The following PRPSAP2 variants were observed in gnomAD, a reference collection of about 807,000 sequenced individuals.
PRPSAP2 encodes phosphoribosyl pyrophosphate synthase-associated protein 2.
Under a neutral mutation model 40.6 loss-of-function variants are expected in PRPSAP2, and 24 were observed. The ratio of observed to expected loss-of-function variants is 0.59; its 90% CI spans 0.43 to 0.83. The LOEUF (loss-of-function observed/expected upper bound fraction) is 0.83. Ranked by LOEUF, PRPSAP2 falls within the 40% of genes least tolerant of loss-of-function variation. The pLI is 0.00. For missense variants in PRPSAP2, 292 were observed against 465.6 expected, an observed-to-expected ratio of 0.63 and a Z score of 3.43; for synonymous variants, 149 against 164.7, an observed-to-expected ratio of 0.90 and a Z score of 0.73.
intron 6 of PRPSAP2, 123 bp downstream of exon 6, chr17:18,877,993 C>G: frequency 9.6e-7 from 1 of 1,039,268 alleles, no homozygotes; most frequent in African/African-American, 1.6e-5. Context: ...GTGATCATAG[C>G]TCACTGCAAC....
At chr17:18,920,432 T>A (rs1332029923) in intron 9 of PRPSAP2, among the ~76,000 whole-genome samples, 1 of 152,192 alleles carries the variant, frequency 6.6e-6, no homozygotes, top group Non-Finnish European at 1.5e-5. Flanking sequence ...AATTATAATG[T>A]TTCTATGTTT....
intron 8 of PRPSAP2, among the ~76,000 whole-genome samples, chr17:18,891,772 T>C (rs566961505): frequency 2.6e-5 from 4 of 152,206 alleles, no homozygotes; most frequent in Admixed American, 6.5e-5. Flanking sequence ...AGCCACACAG[T>C]ATGTGGCCCT....
At chr17:18,889,957 G>T in intron 8 of PRPSAP2, 80 bp downstream of exon 8, 1 of 1,263,814 alleles carries the variant, frequency 7.9e-7, no homozygotes, top group South Asian at 1.6e-5. Flanking sequence ...ATTCTAATTT[G>T]AACTTCAGTG....
At chr17:18,864,467 TATTTTTAGTAGAGACAG>T (rs1252388262) in intron 1 of PRPSAP2, among the ~76,000 whole-genome samples, 3 of 151,854 alleles carry the variant, frequency 2.0e-5, no homozygotes, top group Admixed American at 6.6e-5. Flanking sequence ...CTCATTTTTG[TATTTTTAGTAGAGACAG>T]ATTTCACCCT....
At chr17:18,886,611 G>A (rs1456316393) in intron 7 of PRPSAP2, among the ~76,000 whole-genome samples, 1 of 151,986 alleles carries the variant, frequency 6.6e-6, no homozygotes, top group Non-Finnish European at 1.5e-5. Flanking sequence ...GCCCGCCTCA[G>A]CCTCCCAAAG....
intron 10 of PRPSAP2, 77 bp from the exon 11 acceptor site, chr17:18,928,734 C>T (rs1448080487): frequency 3.2e-6 from 5 of 1,581,248 alleles, no homozygotes; most frequent in East Asian, 2.3e-5. Flanking sequence ...GTAGGCAGAC[C>T]CTTTTTTTTT....
intron 4 of PRPSAP2, among the ~76,000 whole-genome samples, chr17:18,869,909 G>A (rs1027526753): frequency 6.0e-5 from 9 of 149,480 alleles, no homozygotes; most frequent in Admixed American, 3.4e-4. Context: ...GTACAGTGGC[G>A]CAATCTTGGC....
intron 11 of PRPSAP2, among the ~76,000 whole-genome samples, chr17:18,930,110 C>T (rs555043904): frequency 7.0e-4 from 107 of 152,268 alleles, no homozygotes; most frequent in South Asian, 3.1e-3. Context: ...CGGTGGCTCA[C>T]GCCTGTAATC....
In PRPSAP2 at chr17:18,917,162, C is replaced by A. The variant is rs535635643; in HGVS notation, c.733+5911C>A. ...CCACCTTCGAGTTGTTGGGGAAGAA[C>A]CCTAACCCCCTGCCCTCATAGATTC... On this transcript the variant is annotated intron_variant, in intron 9 of 11. Coordinates refer to ENST00000268835, the MANE Select transcript of PRPSAP2 (RefSeq NM_002767.4). 8.8e-4 allele frequency among the ~76,000 whole-genome samples: 133 copies of A among 151,850 alleles called. 1 individual carries two copies. In the South Asian group the frequency reaches 0.028, roughly 31 times the overall value.
intron 5 of PRPSAP2, among the ~76,000 whole-genome samples, chr17:18,875,615 G>C (rs1039439845): frequency 6.6e-6 from 1 of 151,650 alleles, no homozygotes; most frequent in Non-Finnish European, 1.5e-5. Flanking sequence ...TATAATCCCA[G>C]AGCTTTGGGA....
chr17:18,929,975 C>T (rs1354850943), intron 11 of PRPSAP2, among the ~76,000 whole-genome samples: 6 of 152,206 alleles, frequency 3.9e-5, no homozygotes, highest in Middle Eastern at 3.4e-3. Context: ...TTCCCACAGC[C>T]GTGAGTTGGG....
At chr17:18,926,498 A>G (rs1427170197) in intron 10 of PRPSAP2, among the ~76,000 whole-genome samples, 2 of 151,946 alleles carry the variant, frequency 1.3e-5, no homozygotes, top group African/African-American at 2.4e-5. Context: ...CGAACTCCTG[A>G]CCTCGTGATC....
At chr17:18,928,533 A>T (rs2042088799) in intron 10 of PRPSAP2, 1 of 416,700 alleles carries the variant, frequency 2.4e-6, no homozygotes, top group Non-Finnish European at 4.6e-6. Context: ...TTGGCCAGTT[A>T]TGGTGCAGAA....
At chr17:18,907,427 G>A (rs906116564) in intron 8 of PRPSAP2, among the ~76,000 whole-genome samples, 13 of 152,172 alleles carry the variant, frequency 8.5e-5, no homozygotes, top group African/African-American at 3.1e-4. Context: ...ACTGCAAGGA[G>A]AAATAGATAT....
intron 8 of PRPSAP2, chr17:18,904,758 A>AATGTTTTC: frequency 6.6e-6 from 1 of 152,228 alleles, no homozygotes; most frequent in Non-Finnish European, 1.5e-5. Flanking sequence ...TTCTCTGAAT[A>AATGTTTTC]ACTGAGTGAA....
intron 7 of PRPSAP2, among the ~76,000 whole-genome samples, chr17:18,889,413 C>T (rs1290894880): frequency 6.6e-6 from 1 of 152,192 alleles, no homozygotes; most frequent in East Asian, 1.9e-4. Flanking sequence ...CATGTTATGA[C>T]TGCGATATGT....
intron 8 of PRPSAP2, among the ~76,000 whole-genome samples, chr17:18,910,827 G>T (rs367874814): frequency 6.6e-5 from 10 of 152,178 alleles, no homozygotes; most frequent in Non-Finnish European, 1.0e-4. Flanking sequence ...CTGAGCGGAG[G>T]TTCCTTCACT....
At chr17:18,880,684 C>G (rs2038666396) in intron 6 of PRPSAP2, among the ~76,000 whole-genome samples, 1 of 152,134 alleles carries the variant, frequency 6.6e-6, no homozygotes, top group African/African-American at 2.4e-5. Context: ...GCTGGGTTTA[C>G]AGGCATGAGC....
upstream of PRPSAP2, among the ~76,000 whole-genome samples, chr17:18,856,631 C>T (rs2036605590): frequency 6.6e-6 from 1 of 152,152 alleles, no homozygotes; most frequent in Admixed American, 6.5e-5. Context: ...AGCTCTGCAA[C>T]CTCTGATGAA....
Sources: allele counts gnomAD v4.1 joint callset (sites outside exome capture counted in the v4.1 genomes callset), GRCh38; gene constraint gnomAD v4.1.1; transcripts MANE v1.5; gene names NCBI Gene and HGNC (gene_info 2026-07-23, HGNC 2026-07-21).